Variants in SLA observed in about 807,000 individuals in gnomAD.
SLA encodes the protein src-like-adapter.
SLA carries 16 observed loss-of-function variants against 30.3 expected under a neutral mutation model. The ratio of observed to expected loss-of-function variants is 0.53; its 90% CI spans 0.36 to 0.80. The LOEUF is 0.80. SLA is among the 30% of genes least tolerant of loss of function. The probability of loss-of-function intolerance (pLI) is 0.01; values close to 1 mark genes in which losing one functional copy is unlikely to be tolerated. For synonymous variants in SLA, 143 were observed against 137.8 expected, an observed-to-expected ratio of 1.04 and a Z score of -0.26; for missense variants, 310 against 345.2, an observed-to-expected ratio of 0.90 and a Z score of 0.81.
intron 2 of SLA, chr8:133,073,315 A>G (rs1844355431): frequency 6.6e-6 from 1 of 152,176 alleles, no homozygotes; most frequent in African/African-American, 2.4e-5. Context: ...TTTTAATATT[A>G]TTATACTTTC....
At chr8:133,050,637 G>T (rs926531965) in intron 4 of SLA, 179 bp downstream of exon 4, 113 of 584,072 alleles carry the variant, frequency 1.9e-4, no homozygotes, top group Middle Eastern at 1.8e-3. Flanking sequence ...GCTATGGAAG[G>T]TTCTAGAGCA....
At chr8:133,081,018 G>A (rs1235835250) in intron 1 of SLA, among the ~76,000 whole-genome samples, 8 of 152,264 alleles carry the variant, frequency 5.3e-5, no homozygotes. Flanking sequence ...GAAGTACTTA[G>A]GAGTTGTGTG....
intron 3 of SLA, chr8:133,058,924 G>A: frequency 2.2e-6 from 1 of 456,100 alleles, no homozygotes; most frequent in South Asian, 1.6e-5. Flanking sequence ...TGAAAGGGGT[G>A]TGGGGTGGCT....
At chr8:133,076,621 A>G (rs926862723) in intron 1 of SLA, 1 of 152,210 alleles carries the variant, frequency 6.6e-6, no homozygotes, top group Non-Finnish European at 1.5e-5. Context: ...AGTCAGAGGT[A>G]TGAGTTTTGT....
intron 1 of SLA, among the ~76,000 whole-genome samples, chr8:133,099,892 C>A (rs1008633359): frequency 1.3e-5 from 2 of 152,180 alleles, no homozygotes; most frequent in African/African-American, 4.8e-5. Flanking sequence ...TAGCCCCCAA[C>A]TCTCTCTCTG....
intron 7 of SLA, among the ~76,000 whole-genome samples, chr8:133,042,678 C>CCTTTTTTTT (rs1554706932): frequency 0.012 from 688 of 56,800 alleles, 78 homozygotes; most frequent in East Asian, 0.04. Flanking sequence ...CATTCTGTGT[C>CCTTTTTTTT]TTTTTTTTTT....
chr8:133,044,977 C>G lies in SLA; in HGVS notation c.484+7G>C. The G allele has an allele frequency of 6.2e-7, 1 of 1,614,124 alleles. No individual in the cohort carries two copies. Among genetic ancestry groups the G allele is most frequent in the Non-Finnish European group, 8.5e-7 (1 of 1,179,940 alleles). ...ATCACAATCACTCCATATTGTATGT[C>G]TCTTACCAGAATAGTGGTTCACCAG... On this transcript the variant is annotated splice_region_variant and intron_variant, in intron 7 of 8. Transcript: ENST00000338087.
intron 1 of SLA, among the ~76,000 whole-genome samples, chr8:133,093,045 C>A (rs1001561790): frequency 2.0e-5 from 3 of 152,126 alleles, no homozygotes; most frequent in African/African-American, 7.2e-5. Flanking sequence ...CTCTGCCTGC[C>A]TGTGGGCCCT....
intron 1 of SLA, among the ~76,000 whole-genome samples, chr8:133,077,622 G>A (rs532244221): frequency 2.6e-5 from 4 of 152,300 alleles, no homozygotes; most frequent in South Asian, 2.1e-4. Context: ...GCTGAAGCCC[G>A]ATGCCACGCT....
chr8:133,055,361 G>A (rs1311220112), intron 3 of SLA, among the ~76,000 whole-genome samples: 69 of 131,754 alleles, frequency 5.2e-4, no homozygotes, highest in African/African-American at 1.1e-3. Flanking sequence ...ACACACGCAC[G>A]CGCGCACACA....
At position 133,040,066 on chromosome 8, in the gene SLA, TGGG is replaced by T; in HGVS notation, c.546_548del (p.Pro183del). ...CAGGTGAGCTGGAGGCCCTCACTGC[TGGG>T]GCAGCCGTGCTTTGTGTCAGGCAGG... On this transcript the variant is annotated inframe_deletion, in exon 8 of 9. Transcript: ENST00000338087. The T allele has an allele frequency of 6.4e-7, 1 of 1,556,000 alleles. No individual in the cohort carries two copies. The highest frequency in any genetic ancestry group is 8.7e-7 in the Non-Finnish European group (1 of 1,149,286).
At chr8:133,077,038 G>T (rs891675502) in intron 1 of SLA, among the ~76,000 whole-genome samples, 1 of 152,170 alleles carries the variant, frequency 6.6e-6, no homozygotes, top group African/African-American at 2.4e-5. Context: ...ACCGAGGGGC[G>T]CAGATGTGCT....
At chr8:133,043,291 G>A (rs979132405) in intron 7 of SLA, among the ~76,000 whole-genome samples, 3 of 152,082 alleles carry the variant, frequency 2.0e-5, no homozygotes, top group Non-Finnish European at 4.4e-5. Context: ...TGCTAGGACA[G>A]CATCCTTCTC....
At chr8:133,064,676 G>A (rs981064988) in intron 2 of SLA, among the ~76,000 whole-genome samples, 3 of 152,234 alleles carry the variant, frequency 2.0e-5, no homozygotes, top group Non-Finnish European at 4.4e-5. Flanking sequence ...TCGACAACGT[G>A]GGATATGCCG....
chr8:133,058,993 T>C, intron 3 of SLA: 1 of 466,232 alleles, frequency 2.1e-6, no homozygotes, highest in South Asian at 1.5e-5. Flanking sequence ...AAGCTGGGCC[T>C]GTCCATTTTG....
intron 2 of SLA, among the ~76,000 whole-genome samples, chr8:133,071,509 T>C (rs115242406): frequency 6.6e-6 from 1 of 152,210 alleles, no homozygotes; most frequent in African/African-American, 2.4e-5. Context: ...ATTCAGTAGG[T>C]GGATTGATAG....
At chr8:133,086,119 T>C (rs1425207878) in intron 1 of SLA, among the ~76,000 whole-genome samples, 1 of 152,246 alleles carries the variant, frequency 6.6e-6, no homozygotes, top group Non-Finnish European at 1.5e-5. Context: ...ACATATTCTA[T>C]GATTCCATTT....
At chr8:133,054,050 G>A (rs1404086284) in intron 3 of SLA, among the ~76,000 whole-genome samples, 1 of 152,198 alleles carries the variant, frequency 6.6e-6, no homozygotes, top group East Asian at 1.9e-4. Context: ...TTTAAGCAAG[G>A]CCTGGTGCCA....
chr8:133,098,576 C>T (rs780920771), intron 1 of SLA, among the ~76,000 whole-genome samples: 14 of 152,144 alleles, frequency 9.2e-5, no homozygotes, highest in Non-Finnish European at 1.9e-4. Flanking sequence ...TTCTTTGGAC[C>T]ATGTACTGAA....
Sources: allele counts gnomAD v4.1 joint callset (sites outside exome capture counted in the v4.1 genomes callset), GRCh38; gene constraint gnomAD v4.1.1; transcripts MANE v1.5; gene names NCBI Gene and HGNC (gene_info 2026-07-23, HGNC 2026-07-21).